The following AFAP1 variants were observed in gnomAD, a reference collection of about 807,000 sequenced individuals.
The protein encoded by AFAP1 is actin filament-associated protein 1.
AFAP1 carries 75 observed loss-of-function variants against 93.9 expected under a neutral mutation model. The ratio of observed to expected loss-of-function variants is 0.80; its 90% CI spans 0.66 to 0.97. The LOEUF is 0.97. Among genes scored for constraint, AFAP1 ranks in the 50% least tolerant of loss-of-function variants. The pLI is 0.00. For missense variants in AFAP1, 1,201 were observed against 1,050.8 expected, an observed-to-expected ratio of 1.14 and a Z score of -1.98; for synonymous variants, 517 against 430.7, an observed-to-expected ratio of 1.20 and a Z score of -2.48.
chr4:7,812,450 A>T (rs1025814096), intron 8 of AFAP1, among the ~76,000 whole-genome samples: 2 of 152,208 alleles, frequency 1.3e-5, no homozygotes, highest in African/African-American at 4.8e-5. Flanking sequence ...AGTTTTTTAC[A>T]AAGGCAGACA....
At position 7,825,981 on chromosome 4, in the gene AFAP1, G is replaced by A. The variant is rs963927227; in HGVS notation, c.727-6810C>T. On this transcript the variant is annotated intron_variant, in intron 6 of 17. Coordinates refer to ENST00000420658, the MANE Select transcript of AFAP1 (RefSeq NM_001134647.2). ...AAAAAAAAAAAAAAAGTCCTAGTAC[G>A]TCTGAACCGTTCTGAGCAATGAAGA... Among the ~76,000 whole-genome samples the A allele has an allele frequency of 8.1e-5, 12 of 148,670 alleles. 1 individual carries two copies. The highest frequency in any genetic ancestry group is 1.3e-4 in the Non-Finnish European group (9 of 67,504).
Position 7,802,700 on chromosome 4 carries a change from A to T in AFAP1, c.1055-2047T>A, listed in dbSNP as rs185507829. The stretch of plus-strand genomic sequence containing the variant: ...TCTGTAGCCCAGGCTGGCAGGCTGG[A>T]GTGCAGTGGCGTGATCTCAGCTCAC... On this transcript the variant is annotated intron_variant, in intron 9 of 17. Coordinates refer to ENST00000420658, the MANE Select transcript of AFAP1 (RefSeq NM_001134647.2). 2.9e-5 allele frequency among the ~76,000 whole-genome samples: 4 copies of T among 139,122 alleles called. No homozygotes were observed. The Admixed American group carries it at 3.1e-4, about 11-fold the overall frequency. 91.3% of individuals were successfully genotyped at this position (139,122 alleles called of 152,430 possible).
intron 3 of AFAP1, among the ~76,000 whole-genome samples, chr4:7,865,699 A>G (rs1414325737): frequency 6.6e-6 from 1 of 152,230 alleles, no homozygotes; most frequent in Non-Finnish European, 1.5e-5. Flanking sequence ...GAAAATGCTG[A>G]CTAGTCATGA....
At chr4:7,905,448 AC>A (rs1327947940) in intron 1 of AFAP1, among the ~76,000 whole-genome samples, 2 of 152,282 alleles carry the variant, frequency 1.3e-5, no homozygotes, top group Admixed American at 1.3e-4. Flanking sequence ...TCATACAACA[AC>A]AAATTAAATT....
chr4:7,852,670 C>T (rs1714583729), intron 4 of AFAP1, among the ~76,000 whole-genome samples: 15 of 151,982 alleles, frequency 9.9e-5, no homozygotes, highest in Admixed American at 9.2e-4. Flanking sequence ...CTGGGGGCAC[C>T]GGGAATACAA....
At chr4:7,844,478 C>A (rs367583699) in intron 4 of AFAP1, among the ~76,000 whole-genome samples, 15 of 152,312 alleles carry the variant, frequency 9.8e-5, no homozygotes, top group African/African-American at 3.1e-4. Context: ...CAGACTAATA[C>A]ACTAGGTCAA....
At chr4:7,834,851 G>A (rs879015196) in intron 6 of AFAP1, among the ~76,000 whole-genome samples, 1 of 152,250 alleles carries the variant, frequency 6.6e-6, no homozygotes, top group African/African-American at 2.4e-5. Context: ...ATATAAACCT[G>A]CCTTTGAATG....
chr4:7,774,779 C>G lies in AFAP1; in HGVS notation c.2022G>C (p.Lys674Asn). 6.2e-7 allele frequency: 1 copy of G among 1,614,214 alleles called. No homozygotes were observed. The highest frequency in any genetic ancestry group is 8.5e-7 in the Non-Finnish European group (1 of 1,180,026). The change falls in exon 15 of 18, where the codon AAG (lysine) becomes AAC (asparagine). Residue 674 changes from lysine (K) to asparagine (N), a missense_variant. By Grantham distance (94) the Lys-to-Asn change is moderately conservative. Coordinates refer to ENST00000420658, the MANE Select transcript of AFAP1 (RefSeq NM_001134647.2). ...TAGCCGCTCGAAGGTCTTTTCTTTCCTTGCGGAGCTGGGCCAGCCTATTCC... is the reference window on the plus strand; with the variant it reads ...TAGCCGCTCGAAGGTCTTTTCTTTCGTTGCGGAGCTGGGCCAGCCTATTCC... ...ALRNRLAQLR[K>N]ERKDLRAAIE...
At chr4:7,766,672 C>G (rs925356654) in intron 17 of AFAP1, among the ~76,000 whole-genome samples, 1 of 152,202 alleles carries the variant, frequency 6.6e-6, no homozygotes, top group South Asian at 2.1e-4. Context: ...TCACGAGAGG[C>G]AGGGGCACGA....
chr4:7,814,050 A>C (rs1008691288), intron 8 of AFAP1, among the ~76,000 whole-genome samples: 6 of 152,178 alleles, frequency 3.9e-5, no homozygotes, highest in Non-Finnish European at 8.8e-5. Context: ...CCTGCCCTTC[A>C]CCTCCGTCCA....
chr4:7,887,872 G>A (rs1718222377), intron 1 of AFAP1, among the ~76,000 whole-genome samples: 1 of 151,830 alleles, frequency 6.6e-6, no homozygotes, highest in Non-Finnish European at 1.5e-5. Flanking sequence ...CATTGCCCAG[G>A]CTAGAGTGCA....
At chr4:7,879,652 C>T (rs1459541049) in intron 1 of AFAP1, among the ~76,000 whole-genome samples, 1 of 151,474 alleles carries the variant, frequency 6.6e-6, no homozygotes. Flanking sequence ...CTCCCTTCTT[C>T]CTAGCAAAAG....
chr4:7,804,155 C>T (rs574415790), intron 9 of AFAP1, among the ~76,000 whole-genome samples: 2 of 152,290 alleles, frequency 1.3e-5, no homozygotes, highest in East Asian at 3.9e-4. Context: ...ACCCGGACCC[C>T]AAGTCATGTC....
chr4:7,930,842 C>A (rs752437192), intron 1 of AFAP1, among the ~76,000 whole-genome samples: 1 of 152,026 alleles, frequency 6.6e-6, no homozygotes, highest in African/African-American at 2.4e-5. Context: ...CCTCCACCTC[C>A]CAGGTTCAAG....
At chr4:7,807,161 T>C (rs1475898457) in intron 9 of AFAP1, among the ~76,000 whole-genome samples, 1 of 152,160 alleles carries the variant, frequency 6.6e-6, no homozygotes, top group East Asian at 1.9e-4. Context: ...TTAATTGTTT[T>C]TCAAGGAAGA....
chr4:7,850,849 A>G (rs900368701), intron 4 of AFAP1, among the ~76,000 whole-genome samples: 2 of 152,234 alleles, frequency 1.3e-5, no homozygotes, highest in Non-Finnish European at 2.9e-5. Context: ...GATGAGTTGC[A>G]GTTTGACCTC....
chr4:7,823,346 C>T (rs925304990), intron 6 of AFAP1, among the ~76,000 whole-genome samples: 1 of 152,158 alleles, frequency 6.6e-6, no homozygotes, highest in Non-Finnish European at 1.5e-5. Flanking sequence ...AGGAAAGAAA[C>T]GTAGGCCATC....
chr4:7,804,261 CG>C (rs956212428), intron 9 of AFAP1, among the ~76,000 whole-genome samples: 3 of 152,184 alleles, frequency 2.0e-5, no homozygotes, highest in Non-Finnish European at 2.9e-5. Flanking sequence ...GAACTGCAGG[CG>C]GGAGCTTCAA....
chr4:7,772,560 G>A (rs1577183478), intron 16 of AFAP1: 1 of 470,596 alleles, frequency 2.1e-6, no homozygotes, highest in East Asian at 3.6e-5. Context: ...GTTCTAAACA[G>A]ATTGTGCAAA....
Sources: gnomAD v4.1 joint callset for allele counts (sites outside exome capture counted in the v4.1 genomes callset) on GRCh38, gnomAD v4.1.1 for gene constraint, MANE v1.5 for transcripts, NCBI Gene and HGNC (gene_info 2026-07-23, HGNC 2026-07-21) for gene names.